Variants in TRPM2 observed in about 807,000 individuals in gnomAD.
TRPM2 encodes the protein transient receptor potential cation channel subfamily M member 2.
Under a neutral mutation model 174.0 loss-of-function variants are expected in TRPM2, and 161 were observed. That is an observed-to-expected ratio of 0.93 (90% confidence interval 0.81 to 1.05). The LOEUF (loss-of-function observed/expected upper bound fraction) is 1.05, where lower values mean the gene tolerates loss of function less well. TRPM2 is among the 50% of genes least tolerant of loss of function. The pLI is 0.00. For synonymous variants in TRPM2, 954 were observed against 861.3 expected (o/e 1.11, Z -1.88); for missense variants, 2,057 against 2,038.0 (o/e 1.01, Z -0.18).
chr21:44,440,505 A>G (rs1280150120), intron 30 of TRPM2, among the ~76,000 whole-genome samples: 1 of 152,094 alleles, frequency 6.6e-6, no homozygotes, highest in East Asian at 1.9e-4. Flanking sequence ...GGACTCCTAC[A>G]ACAGGTGGCC....
chr21:44,384,140 A>G (rs978493654), intron 9 of TRPM2, among the ~76,000 whole-genome samples: 4 of 152,244 alleles, frequency 2.6e-5, no homozygotes, highest in Non-Finnish European at 5.9e-5. Context: ...AAGAAGATTC[A>G]TATTACTAAA....
Position 44,359,431 on chromosome 21 carries a change from G to T in TRPM2, c.255-4683G>T, listed in dbSNP as rs71322560. On this transcript the variant is annotated intron_variant, in intron 2 of 31. Coordinates refer to ENST00000397928, the MANE Select transcript of TRPM2 (RefSeq NM_003307.4). ...TTTGGATTTGTAGGGTGCACATCCG[G>T]GAGGAATTATTTTTTCCATTTTAAT... Among the ~76,000 whole-genome samples the T allele has an allele frequency of 2.7e-3, 407 of 151,922 alleles. 7 individuals are homozygous for T. The highest frequency in any genetic ancestry group is 2.6e-3 in the Non-Finnish European group (177 of 67,976).
intron 19 of TRPM2, among the ~76,000 whole-genome samples, chr21:44,408,184 T>A (rs1436342450): frequency 6.6e-6 from 1 of 152,048 alleles, no homozygotes. Context: ...TGACCTCAGG[T>A]GATCCACCCG....
Position 44,418,479 on chromosome 21 carries a change from AAGG to A in TRPM2, c.3388_3390del (p.Glu1130del). On this transcript the variant is annotated inframe_deletion, in exon 22 of 32. Transcript: ENST00000397928. ...CCTGCTATCCTGGGAGATCTACCTGAAGGAGAACTACCTCCAGAACCGACAGTT... is the reference window on the plus strand; with the variant it reads ...CCTGCTATCCTGGGAGATCTACCTGAAGAACTACCTCCAGAACCGACAGTT... 6.2e-7 allele frequency: 1 copy of A among 1,614,090 alleles called. No homozygotes were observed. Among genetic ancestry groups the A allele is most frequent in the East Asian group, 2.2e-5 (1 of 44,880 alleles).
chr21:44,408,844 T>C (rs1158127699), intron 19 of TRPM2, among the ~76,000 whole-genome samples: 1 of 151,598 alleles, frequency 6.6e-6, no homozygotes, highest in African/African-American at 2.4e-5. Flanking sequence ...TTTTAGTAGA[T>C]ACAGAGTTTC....
At chr21:44,426,976 G>A (rs201048828) in intron 26 of TRPM2, 34 bp from the exon 27 acceptor site, 17 of 1,552,150 alleles carry the variant, frequency 1.1e-5, no homozygotes, top group African/African-American at 5.4e-5. Context: ...CCTGCAACAC[G>A]GGCACACAGA....
intron 2 of TRPM2, among the ~76,000 whole-genome samples, chr21:44,359,017 C>G (rs12626312): frequency 0.11 from 11,748 of 105,718 alleles, 1,827 homozygotes; most frequent in African/African-American, 0.19. Context: ...TTATTTGTCC[C>G]CGCCCGTGTC....
intron 20 of TRPM2, among the ~76,000 whole-genome samples, chr21:44,416,961 C>T (rs370252881): frequency 1.5e-4 from 19 of 127,452 alleles, no homozygotes; most frequent in African/African-American, 4.7e-4. Context: ...GGCACGTGGG[C>T]GTGGCTCTGC....
chr21:44,360,845 G>A (rs1168766644), intron 2 of TRPM2, among the ~76,000 whole-genome samples: 2 of 152,122 alleles, frequency 1.3e-5, no homozygotes, highest in Admixed American at 6.6e-5. Flanking sequence ...GGGATTACAG[G>A]TGTGAGCCAC....
chr21:44,402,227 G>A (rs1330970873), intron 16 of TRPM2, among the ~76,000 whole-genome samples: 1 of 152,166 alleles, frequency 6.6e-6, no homozygotes, highest in Non-Finnish European at 1.5e-5. Flanking sequence ...TGCAAGGTGT[G>A]GGGTCCCTAA....
chr21:44,391,973 T>C lies in TRPM2; in HGVS notation c.1794+348T>C, dbSNP rs2049190674. Among the ~76,000 whole-genome samples the C allele has an allele frequency of 6.6e-6, 1 of 152,122 alleles. No individual in the cohort carries two copies. Among genetic ancestry groups the C allele is most frequent in the African/African-American group, 2.4e-5 (1 of 41,410 alleles). ...CTCTTCTTTTTCTTTTATTTATTTT[T>C]TATTTTTTTGAGACAGGGTCTCACT... On this transcript the variant is annotated intron_variant, in intron 11 of 31. Transcript: ENST00000397928. The surrounding 1 kb of genome is among the most constrained non-coding windows in gnomAD (Gnocchi z 5.0).
chr21:44,373,385 C>T (rs1197900538), intron 5 of TRPM2, among the ~76,000 whole-genome samples: 1 of 152,138 alleles, frequency 6.6e-6, no homozygotes, highest in Non-Finnish European at 1.5e-5. Context: ...CAGGGTTTCT[C>T]CATGTTGGCC....
chr21:44,437,304 C>T, intron 29 of TRPM2, 137 bp downstream of exon 29: 1 of 726,374 alleles, frequency 1.4e-6, no homozygotes, highest in South Asian at 1.7e-5. Flanking sequence ...GTTCGAGACC[C>T]CGCCTGTTTT....
At chr21:44,377,044 C>T (rs943499797) in intron 6 of TRPM2, among the ~76,000 whole-genome samples, 2 of 151,470 alleles carry the variant, frequency 1.3e-5, no homozygotes, top group African/African-American at 2.4e-5. Flanking sequence ...AGTAGGAGCA[C>T]GTTCCCTGGT....
rs1438895557 is a variant in TRPM2, at chr21:44,391,650, C to T, written c.1794+25C>T. ...CGTGCGTGCTGGTAACGGGGCCCAT[C>T]CTGGACTCGTCTTCGCGGGCTACTG... On this transcript the variant is annotated intron_variant, in intron 11 of 31. Coordinates refer to ENST00000397928, the MANE Select transcript of TRPM2 (RefSeq NM_003307.4). The surrounding 1 kb of genome is among the most constrained non-coding windows in gnomAD (Gnocchi z 5.0). 1.3e-6 allele frequency: 2 copies of T among 1,534,208 alleles called. No homozygotes were observed. Among genetic ancestry groups the T allele is most frequent in the South Asian group, 2.4e-5 (2 of 82,216 alleles).
chr21:44,388,380 A>G (rs1176213489), intron 9 of TRPM2, among the ~76,000 whole-genome samples: 2 of 152,174 alleles, frequency 1.3e-5, no homozygotes, highest in Non-Finnish European at 2.9e-5. Flanking sequence ...AGAAAGTAGA[A>G]TGGTGGGTGC....
At chr21:44,351,128 G>A (rs2122996637), upstream of TRPM2, among the ~76,000 whole-genome samples, 5 of 152,200 alleles carry the variant, frequency 3.3e-5, no homozygotes, top group African/African-American at 1.2e-4. Flanking sequence ...CCATTTCCCC[G>A]GGGAATCTGC....
chr21:44,364,353 G>A lies in TRPM2; in HGVS notation c.423+71G>A, dbSNP rs570204828. 77 of 1,554,570 alleles carry A rather than the reference G, an allele frequency of 5.0e-5. No homozygotes were observed. The African/African-American group carries it at 8.6e-4, about 17-fold the overall frequency. The stretch of plus-strand genomic sequence containing the variant: ...GGCCCCACAGTGACACGCGGTGGTC[G>A]GCATTTCCTGGGGCAAGAGCAGGAG... On this transcript the variant is annotated intron_variant, in intron 3 of 31. Coordinates refer to ENST00000397928, the MANE Select transcript of TRPM2 (RefSeq NM_003307.4).
At chr21:44,435,510 G>C (rs372849321) in intron 28 of TRPM2, among the ~76,000 whole-genome samples, 4 of 151,666 alleles carry the variant, frequency 2.6e-5, no homozygotes, top group Non-Finnish European at 5.9e-5. Context: ...CACCCTCCAC[G>C]GGGACACAGC....
Sources: gnomAD v4.1 joint callset for allele counts (sites outside exome capture counted in the v4.1 genomes callset) on GRCh38, gnomAD v4.1.1 for gene constraint, Gnocchi (gnomAD v3.1) non-coding constraint, MANE v1.5 for transcripts, NCBI Gene and HGNC (gene_info 2026-07-23, HGNC 2026-07-21) for gene names.